The following NSL1 variants were observed in gnomAD, a reference collection of about 807,000 sequenced individuals.
NSL1 encodes the protein NSL1 component of MIS12 kinetochore complex.
A neutral mutation model predicts 25.4 loss-of-function variants in NSL1; 11 were observed. The observed-to-expected ratio is 0.43, with a 90% CI of 0.27 to 0.72. NSL1 has a LOEUF of 0.72. NSL1 is among the 30% of genes least tolerant of loss of function. NSL1 has a pLI of 0.19. For missense variants in NSL1, 330 were observed against 342.7 expected, an observed-to-expected ratio of 0.96 and a Z score of 0.29; for synonymous variants, 118 against 120.6, an observed-to-expected ratio of 0.98 and a Z score of 0.14.
chr1:212,769,288 C>T (rs1308464791), intron 4 of NSL1, among the ~76,000 whole-genome samples: 1 of 152,030 alleles, frequency 6.6e-6, no homozygotes, highest in African/African-American at 2.4e-5. Context: ...TAGATTGAAT[C>T]CCAAAAGGTC....
chr1:212,778,968 G>A (rs1202524852), intron 4 of NSL1, among the ~76,000 whole-genome samples: 4 of 150,986 alleles, frequency 2.6e-5, no homozygotes, highest in Admixed American at 6.6e-5. Context: ...GCCTCTTCCC[G>A]GCCGCCATCC....
intron 4 of NSL1, among the ~76,000 whole-genome samples, chr1:212,747,322 A>G (rs919104815): frequency 6.6e-6 from 1 of 152,162 alleles, no homozygotes; most frequent in Non-Finnish European, 1.5e-5. Context: ...TCATTTATTC[A>G]TTCATTCCCT....
In NSL1 at chr1:212,732,900, T is replaced by C. The variant is rs1214217133; in HGVS notation, c.*5508A>G. 1.3e-5 allele frequency among the ~76,000 whole-genome samples: 2 copies of C among 152,240 alleles called. No homozygotes were observed. The highest frequency in any genetic ancestry group is 3.8e-4 in the East Asian group (2 of 5,202). ...ATATCATTTATGCTGAGAATATTTCTCCAGATGCTTCTAGATTTTAGGATT... is the reference window on the plus strand; with the variant it reads ...ATATCATTTATGCTGAGAATATTTCCCCAGATGCTTCTAGATTTTAGGATT... On this transcript the variant is annotated 3_prime_UTR_variant, in exon 6 of 6. Transcript: ENST00000366977.
rs181437506 is a variant in NSL1, at chr1:212,731,779, T to A, written c.*6629A>T. 3.1e-4 allele frequency: 307 copies of A among 985,444 alleles called. 3 individuals carry two copies. Among genetic ancestry groups the A allele is most frequent in the East Asian group, 1.5e-3 (13 of 8,818 alleles). The allele number at this position is 985,444 out of a possible 1,614,324, so 61.0% of individuals were successfully genotyped here. ...CCCCACTGCCATGTCAAAGCTGGTG[T>A]TCAGACAGTCACACTGTTACAAACA... On this transcript the variant is annotated 3_prime_UTR_variant, in exon 6 of 6. Coordinates refer to ENST00000366977, the MANE Select transcript of NSL1 (RefSeq NM_015471.4).
rs1377024508 is a variant in NSL1 at position 212,736,708 on chromosome 1, T to A, written c.*1700A>T. The A allele has an allele frequency of 1.0e-6, 1 of 984,304 alleles. No individual in the cohort carries two copies. The highest frequency in any genetic ancestry group is 1.2e-6 in the Non-Finnish European group (1 of 828,994). The allele number at this position is 984,304 out of a possible 1,614,324, so 61.0% of individuals were successfully genotyped here. The stretch of plus-strand genomic sequence containing the variant: ...TAAAATATAACCATTTTTTAAAAAC[T>A]TATAAAAATTTCCAACACAAAGTAG... On this transcript the variant is annotated 3_prime_UTR_variant, in exon 6 of 6. Coordinates refer to ENST00000366977, the MANE Select transcript of NSL1 (RefSeq NM_015471.4).
At chr1:212,772,222 T>A (rs550760640) in intron 4 of NSL1, among the ~76,000 whole-genome samples, 1 of 152,288 alleles carries the variant, frequency 6.6e-6, no homozygotes, top group East Asian at 1.9e-4. Context: ...GAAAACAGAC[T>A]AGTACAGGAT....
At chr1:212,789,700 T>C (rs1427694589) in intron 1 of NSL1, among the ~76,000 whole-genome samples, 2 of 152,206 alleles carry the variant, frequency 1.3e-5, no homozygotes, top group African/African-American at 4.8e-5. Context: ...CACAAGTGAA[T>C]TCCTGTGGTA....
intron 4 of NSL1, among the ~76,000 whole-genome samples, chr1:212,754,009 T>C (rs1659186631): frequency 6.6e-6 from 1 of 152,188 alleles, no homozygotes; most frequent in South Asian, 2.1e-4. Flanking sequence ...ACTGAAAGAC[T>C]GGCAGCAAAC....
chr1:212,765,491 A>G (rs879900459), intron 4 of NSL1, among the ~76,000 whole-genome samples: 2 of 152,216 alleles, frequency 1.3e-5, no homozygotes, highest in Admixed American at 1.3e-4. Flanking sequence ...AAACCATATG[A>G]TCATCTCAAC....
intron 4 of NSL1, among the ~76,000 whole-genome samples, chr1:212,754,196 T>G (rs965060568): frequency 6.6e-6 from 1 of 152,196 alleles, no homozygotes; most frequent in Admixed American, 6.5e-5. Context: ...ACTCCCTTCC[T>G]ATGTCCAAAA....
intron 4 of NSL1, among the ~76,000 whole-genome samples, chr1:212,751,780 G>A (rs1248770555): frequency 2.0e-5 from 3 of 152,046 alleles, no homozygotes; most frequent in Admixed American, 1.3e-4. Flanking sequence ...TATATTATCT[G>A]TAAATGCATG....
At chr1:212,740,523 C>T (rs1184360535) in intron 4 of NSL1, among the ~76,000 whole-genome samples, 1 of 151,802 alleles carries the variant, frequency 6.6e-6, no homozygotes, top group African/African-American at 2.4e-5. Context: ...TTTGGTGAAA[C>T]CTATGAACAC....
In NSL1 at chr1:212,762,380, A is replaced by G. The variant is rs79785448; in HGVS notation, c.499+19992T>C. Among the ~76,000 whole-genome samples, 752 of 152,066 alleles carry G rather than the reference A, an allele frequency of 4.9e-3. 4 individuals carry two copies. The highest frequency in any genetic ancestry group is 0.016 in the African/African-American group (666 of 41,488). On this transcript the variant is annotated intron_variant, in intron 4 of 5. Transcript: ENST00000366977. ...CCACATTCAAACTGTCCTAGGCTGC[A>G]TAAGGCCCATGGATCACAGGTTAGA...
Position 212,737,979 on chromosome 1 carries a change from T to C in NSL1, c.*429A>G. On this transcript the variant is annotated 3_prime_UTR_variant, in exon 6 of 6. Transcript: ENST00000366977. ...ATCTGCTGCTGTGCAGAACTGATAA[T>C]TACTTTTCAGCATGTAAACGAAAAA... 1 of 987,666 alleles carries C rather than the reference T, an allele frequency of 1.0e-6. No individual in the cohort carries two copies. The highest frequency in any genetic ancestry group is 1.2e-6 in the Non-Finnish European group (1 of 831,642). 61.2% of individuals were successfully genotyped at this position (987,666 alleles called of 1,614,324 possible). A position where few individuals can be genotyped will look rare whatever the true frequency, so the allele number is the denominator to read the frequency against.
chr1:212,787,648 T>G lies in NSL1; in HGVS notation c.235-11A>C. On this transcript the variant is annotated splice_polypyrimidine_tract_variant and intron_variant, in intron 1 of 5. Transcript: ENST00000366977. ...AGCTGATTCAAAAGTCTGCAATAAATTCACAGTAGTCAAGTCACTAAAAAT... is the reference window on the plus strand; with the variant it reads ...AGCTGATTCAAAAGTCTGCAATAAAGTCACAGTAGTCAAGTCACTAAAAAT... 2 of 1,571,116 alleles carry G rather than the reference T, an allele frequency of 1.3e-6. No individual in the cohort carries two copies. The highest frequency in any genetic ancestry group is 1.7e-6 in the Non-Finnish European group (2 of 1,153,864).
chr1:212,727,124 C>T lies in NSL1; in HGVS notation c.*11284G>A. On this transcript the variant is annotated 3_prime_UTR_variant, in exon 6 of 6. Coordinates refer to ENST00000366977, the MANE Select transcript of NSL1 (RefSeq NM_015471.4). ...ACCAGAGGCAGAAGGGATGAAGGTT[C>T]CCCGATCCCCTTCTCTCCTAAACTG... 6.4e-7 allele frequency: 1 copy of T among 1,568,122 alleles called. No individual in the cohort carries two copies. Among genetic ancestry groups the T allele is most frequent in the Non-Finnish European group, 8.6e-7 (1 of 1,156,900 alleles).
intron 4 of NSL1, among the ~76,000 whole-genome samples, chr1:212,759,682 C>G (rs1009504920): frequency 2.0e-5 from 3 of 152,146 alleles, no homozygotes; most frequent in African/African-American, 7.2e-5. Flanking sequence ...CCAAAAGCCC[C>G]TACATCTCCA....
intron 4 of NSL1, among the ~76,000 whole-genome samples, chr1:212,757,863 T>C (rs1453652470): frequency 6.6e-6 from 1 of 152,166 alleles, no homozygotes; most frequent in Non-Finnish European, 1.5e-5. Context: ...CCTAAGCGAA[T>C]ATGGTGACAT....
intron 1 of NSL1, among the ~76,000 whole-genome samples, chr1:212,788,523 CA>C (rs1053408131): frequency 6.6e-6 from 1 of 151,570 alleles, no homozygotes; most frequent in African/African-American, 2.4e-5. Flanking sequence ...GATAAAGAAC[CA>C]AAAAACAAAA....
Sources: allele counts gnomAD v4.1 joint callset (sites outside exome capture counted in the v4.1 genomes callset), GRCh38; gene constraint gnomAD v4.1.1; transcripts MANE v1.5; gene names NCBI Gene and HGNC (gene_info 2026-07-23, HGNC 2026-07-21).